JAKMIP2: variants seen among roughly 807,000 people sequenced by gnomAD.
The protein encoded by JAKMIP2 is janus kinase and microtubule-interacting protein 2.
JAKMIP2 carries 25 observed loss-of-function variants against 115.0 expected under a neutral mutation model. That is an observed-to-expected ratio of 0.22 (90% CI 0.16 to 0.30). JAKMIP2 has a LOEUF of 0.30. Ranked by LOEUF, JAKMIP2 falls within the 10% of genes least tolerant of loss-of-function variation. JAKMIP2 has a pLI of 1.00. For missense variants in JAKMIP2, 642 were observed against 957.6 expected (o/e 0.67, Z 4.35); for synonymous variants, 334 against 343.6 (o/e 0.97, Z 0.31).
chr5:147,721,729 A>G (rs1753310460), intron 1 of JAKMIP2, among the ~76,000 whole-genome samples: 2 of 152,032 alleles, frequency 1.3e-5, no homozygotes, highest in Admixed American at 6.5e-5. Context: ...GCGCGCACCC[A>G]CTGACCTGCG....
intron 7 of JAKMIP2, among the ~76,000 whole-genome samples, chr5:147,643,344 C>T (rs1757971798): frequency 6.6e-6 from 1 of 152,120 alleles, no homozygotes; most frequent in South Asian, 2.1e-4. Context: ...AGACTATTGC[C>T]TAACTCCCTC....
At chr5:147,703,852 C>T (rs1752468670) in intron 1 of JAKMIP2, among the ~76,000 whole-genome samples, 1 of 151,870 alleles carries the variant, frequency 6.6e-6, no homozygotes, top group Non-Finnish European at 1.5e-5. Flanking sequence ...TTTTGTACTG[C>T]TATACAATAC....
chr5:147,636,166 C>A, intron 12 of JAKMIP2, 56 bp downstream of exon 12: 1 of 1,461,330 alleles, frequency 6.8e-7, no homozygotes, highest in Non-Finnish European at 9.6e-7. Context: ...CCCTGCTGCT[C>A]CTGGATCTCT....
At chr5:147,667,625 A>T (rs1759366391) in intron 2 of JAKMIP2, among the ~76,000 whole-genome samples, 1 of 152,138 alleles carries the variant, frequency 6.6e-6, no homozygotes, top group African/African-American at 2.4e-5. Flanking sequence ...GCACAAAGCA[A>T]CTCTCAGAGA....
intron 20 of JAKMIP2, among the ~76,000 whole-genome samples, chr5:147,607,220 A>T (rs7448588): frequency 0.94 from 142,949 of 152,274 alleles, 67,620 homozygotes; most frequent in Non-Finnish European, 1. Context: ...GTTGAATAGG[A>T]GTGGTAAGAG....
At chr5:147,645,055 G>C (rs1758067602) in intron 5 of JAKMIP2, 59 bp from the exon 6 acceptor site, 4 of 1,559,156 alleles carry the variant, frequency 2.6e-6, no homozygotes, top group Non-Finnish European at 3.5e-6. Context: ...GGGCAGGGGA[G>C]TAAAGTGGTG....
intron 1 of JAKMIP2, among the ~76,000 whole-genome samples, chr5:147,774,657 C>T (rs1190291428): frequency 6.6e-6 from 1 of 151,960 alleles, no homozygotes; most frequent in African/African-American, 2.4e-5. Context: ...AGGTTAAGGG[C>T]CTTAAATATA....
intron 5 of JAKMIP2, among the ~76,000 whole-genome samples, chr5:147,647,695 A>G (rs1390782061): frequency 6.6e-6 from 1 of 152,202 alleles, no homozygotes; most frequent in Non-Finnish European, 1.5e-5. Context: ...ATATGGAGAA[A>G]CTACCACTTT....
intron 8 of JAKMIP2, 21 bp downstream of exon 8, chr5:147,641,687 A>G (rs1757887386): frequency 6.3e-7 from 1 of 1,581,876 alleles, no homozygotes; most frequent in South Asian, 1.1e-5. Flanking sequence ...CAAATGCCTG[A>G]TAACTTTGAT....
At chr5:147,712,475 A>C (rs997476354) in intron 1 of JAKMIP2, among the ~76,000 whole-genome samples, 2 of 152,190 alleles carry the variant, frequency 1.3e-5, no homozygotes, top group Admixed American at 6.6e-5. Flanking sequence ...GACATTTTAC[A>C]TACAGGACTC....
intron 1 of JAKMIP2, among the ~76,000 whole-genome samples, chr5:147,702,362 G>A (rs1752359034): frequency 6.7e-6 from 1 of 150,064 alleles, no homozygotes; most frequent in Non-Finnish European, 1.5e-5. Flanking sequence ...CATTGCTTGG[G>A]TGATGGGTGC....
chr5:147,705,156 G>A (rs1376566500), intron 1 of JAKMIP2, among the ~76,000 whole-genome samples: 1 of 152,158 alleles, frequency 6.6e-6, no homozygotes, highest in Non-Finnish European at 1.5e-5. Flanking sequence ...CCCATTATAA[G>A]TGTGTGAAAA....
chr5:147,757,944 G>C (rs1754805242), intron 1 of JAKMIP2, among the ~76,000 whole-genome samples: 2 of 151,940 alleles, frequency 1.3e-5, no homozygotes, highest in African/African-American at 2.4e-5. Context: ...TACTAATATT[G>C]ATTAACCTGA....
In JAKMIP2 at chr5:147,586,322, T is replaced by G. The variant is rs1009940511; in HGVS notation, c.*5385A>C. On this transcript the variant is annotated 3_prime_UTR_variant, in exon 22 of 22. Coordinates refer to ENST00000616793, the MANE Select transcript of JAKMIP2 (RefSeq NM_001270941.2). ...TATTTACATCACATATTTATAAAAA[T>G]GTTTGGATTTTGATCTGCCTCATTG... 3.9e-5 allele frequency: 6 copies of G among 152,152 alleles called. No homozygotes were observed. The East Asian group carries it at 1.2e-3, about 29-fold the overall frequency. 9.4% of individuals were successfully genotyped at this position (152,152 alleles called of 1,614,324 possible). A position where few individuals can be genotyped will look rare whatever the true frequency, so the allele number is the denominator to read the frequency against.
At chr5:147,713,637 A>T (rs1245868428) in intron 1 of JAKMIP2, among the ~76,000 whole-genome samples, 1 of 152,196 alleles carries the variant, frequency 6.6e-6, no homozygotes, top group Non-Finnish European at 1.5e-5. Flanking sequence ...ATGAGATTAT[A>T]AAGAATTACC....
At chr5:147,741,974 G>A (rs1754155485) in intron 1 of JAKMIP2, among the ~76,000 whole-genome samples, 1 of 151,576 alleles carries the variant, frequency 6.6e-6, no homozygotes, top group South Asian at 2.1e-4. Flanking sequence ...ACACACACAT[G>A]AACTCTATAT....
chr5:147,677,934 TA>T (rs1452256630), intron 1 of JAKMIP2, among the ~76,000 whole-genome samples: 1 of 152,198 alleles, frequency 6.6e-6, no homozygotes, highest in Non-Finnish European at 1.5e-5. Flanking sequence ...TTACTCCTCC[TA>T]ACTCACTGAA....
At chr5:147,603,528 A>G (rs907889963) in intron 20 of JAKMIP2, among the ~76,000 whole-genome samples, 3 of 152,220 alleles carry the variant, frequency 2.0e-5, no homozygotes, top group Non-Finnish European at 4.4e-5. Flanking sequence ...TATCTCTGGC[A>G]TACAGGATCT....
At chr5:147,675,477 T>A (rs926154323) in intron 1 of JAKMIP2, among the ~76,000 whole-genome samples, 3 of 152,090 alleles carry the variant, frequency 2.0e-5, no homozygotes, top group African/African-American at 4.8e-5. Context: ...GTGCTGCTTT[T>A]TTTTTTTTAT....
Sources: allele counts gnomAD v4.1 joint callset (sites outside exome capture counted in the v4.1 genomes callset), GRCh38; gene constraint gnomAD v4.1.1; transcripts MANE v1.5; gene names NCBI Gene and HGNC (gene_info 2026-07-23, HGNC 2026-07-21).